Variants in CRY1 observed in about 807,000 individuals in gnomAD.
The protein encoded by CRY1 is cryptochrome-1.
In CRY1, 45 loss-of-function variants were observed where a neutral mutation model predicts 76.0. The ratio of observed to expected loss-of-function variants is 0.59; its 90% confidence interval spans 0.47 to 0.76. The LOEUF (loss-of-function observed/expected upper bound fraction) is 0.76, where lower values mean the gene tolerates loss of function less well. CRY1 is among the 30% of genes least tolerant of loss of function. The pLI, the probability that CRY1 is intolerant of heterozygous loss-of-function variation, is 0.00. For synonymous variants in CRY1, 248 were observed against 244.0 expected (o/e 1.02, Z -0.15); for missense variants, 587 against 716.4 (o/e 0.82, Z 2.06).
At chr12:107,023,978 T>C (rs951401503) in intron 1 of CRY1, among the ~76,000 whole-genome samples, 1 of 152,234 alleles carries the variant, frequency 6.6e-6, no homozygotes, top group African/African-American at 2.4e-5. Context: ...TCTAATTTTA[T>C]GTATTTGCTT....
At chr12:107,023,750 A>G (rs1190007632) in intron 1 of CRY1, among the ~76,000 whole-genome samples, 2 of 152,118 alleles carry the variant, frequency 1.3e-5, no homozygotes, top group Non-Finnish European at 2.9e-5. Flanking sequence ...CTATCCCCAC[A>G]TTTATATTTT....
intron 1 of CRY1, among the ~76,000 whole-genome samples, chr12:107,091,785 C>T (rs1445411954): frequency 6.6e-6 from 1 of 152,122 alleles, no homozygotes; most frequent in African/African-American, 2.4e-5. Context: ...ATATTTCTGC[C>T]TTTTCCCTTA....
intron 10 of CRY1, among the ~76,000 whole-genome samples, chr12:106,994,457 C>A (rs1424321231): frequency 6.6e-6 from 1 of 152,172 alleles, no homozygotes; most frequent in East Asian, 1.9e-4. Flanking sequence ...TTTCCCTCCA[C>A]ACCCCCATTT....
At chr12:107,023,971 A>T (rs1952583264) in intron 1 of CRY1, among the ~76,000 whole-genome samples, 1 of 152,228 alleles carries the variant, frequency 6.6e-6, no homozygotes, top group Non-Finnish European at 1.5e-5. Context: ...GGAAGCATCT[A>T]ATTTTATGTA....
At chr12:107,071,281 C>T (rs1020075653) in intron 1 of CRY1, among the ~76,000 whole-genome samples, 3 of 152,016 alleles carry the variant, frequency 2.0e-5, no homozygotes, top group Non-Finnish European at 4.4e-5. Context: ...TGGTTTAGTA[C>T]TAAATTTTAT....
At chr12:107,075,262 T>C (rs1007581953) in intron 1 of CRY1, among the ~76,000 whole-genome samples, 6 of 152,190 alleles carry the variant, frequency 3.9e-5, no homozygotes, top group Admixed American at 3.9e-4. Context: ...CTCAAACACG[T>C]TCATGCCAGC....
intron 2 of CRY1, among the ~76,000 whole-genome samples, chr12:107,012,444 C>A (rs1593501817): frequency 6.6e-6 from 1 of 152,178 alleles, no homozygotes; most frequent in East Asian, 1.9e-4. Context: ...TCTGTTGAGA[C>A]CTACTACTCA....
chr12:107,048,534 C>A (rs1274598820), intron 1 of CRY1, among the ~76,000 whole-genome samples: 4 of 152,198 alleles, frequency 2.6e-5, no homozygotes, highest in Non-Finnish European at 4.4e-5. Context: ...TATCTGTCCT[C>A]TCCTTTTGGG....
At chr12:107,025,145 C>T (rs538350548) in intron 1 of CRY1, among the ~76,000 whole-genome samples, 3 of 152,094 alleles carry the variant, frequency 2.0e-5, no homozygotes, top group Non-Finnish European at 2.9e-5. Context: ...CATATCTCCC[C>T]GTTAGGGAGT....
chr12:107,064,722 A>G (rs1419662070), intron 1 of CRY1, among the ~76,000 whole-genome samples: 2 of 152,222 alleles, frequency 1.3e-5, no homozygotes, highest in Non-Finnish European at 2.9e-5. Context: ...AATTTGAAAG[A>G]AAAACAGTGA....
intron 2 of CRY1, among the ~76,000 whole-genome samples, chr12:107,020,304 C>T (rs1952540828): frequency 6.6e-6 from 1 of 151,808 alleles, no homozygotes; most frequent in Non-Finnish European, 1.5e-5. Flanking sequence ...AGAAACATTG[C>T]TATTTCAAAA....
chr12:107,076,781 G>A (rs1395426080), intron 1 of CRY1, among the ~76,000 whole-genome samples: 1 of 152,096 alleles, frequency 6.6e-6, no homozygotes, highest in Non-Finnish European at 1.5e-5. Context: ...GATCAAAAGG[G>A]CAGGTTTCTC....
intron 1 of CRY1, among the ~76,000 whole-genome samples, chr12:107,038,616 G>A (rs185126534): frequency 7.9e-5 from 12 of 152,326 alleles, no homozygotes; most frequent in Admixed American, 6.5e-4. Context: ...AAGACAGATG[G>A]AAAATCGTAA....
intron 3 of CRY1, among the ~76,000 whole-genome samples, chr12:107,004,094 C>G (rs1330338447): frequency 6.6e-6 from 1 of 152,124 alleles, no homozygotes; most frequent in East Asian, 1.9e-4. Context: ...TGTGAGCCAT[C>G]GCGCCTAGCC....
intron 7 of CRY1, 37 bp from the exon 8 acceptor site, chr12:106,998,103 C>A: frequency 6.2e-7 from 1 of 1,606,828 alleles, no homozygotes; most frequent in South Asian, 1.1e-5. Flanking sequence ...TTTGCACACA[C>A]ATAATTCGCA....
chr12:106,998,587 T>TTA (rs1321353577), intron 7 of CRY1, among the ~76,000 whole-genome samples: 1 of 151,902 alleles, frequency 6.6e-6, no homozygotes, highest in African/African-American at 2.4e-5. Context: ...TAAATGATTT[T>TTA]TATATATATT....
intron 1 of CRY1, among the ~76,000 whole-genome samples, chr12:107,055,783 G>A (rs190611819): frequency 6.6e-6 from 1 of 151,780 alleles, no homozygotes; most frequent in Admixed American, 6.6e-5. Context: ...ACTGAGGCAG[G>A]AGAATGGCTT....
chr12:107,000,322 C>G (rs1048016170), intron 5 of CRY1, among the ~76,000 whole-genome samples: 2 of 151,822 alleles, frequency 1.3e-5, no homozygotes, highest in Non-Finnish European at 2.9e-5. Flanking sequence ...AAATTTCCAA[C>G]AGAAAGCTGA....
chr12:107,029,095 G>A (rs531947748), intron 1 of CRY1, among the ~76,000 whole-genome samples: 2 of 152,082 alleles, frequency 1.3e-5, no homozygotes, highest in South Asian at 4.2e-4. Flanking sequence ...TTAGAGACAG[G>A]GTCTCGTTAT....
Sources: gnomAD v4.1 joint callset for allele counts (sites outside exome capture counted in the v4.1 genomes callset) on GRCh38, gnomAD v4.1.1 for gene constraint, MANE v1.5 for transcripts, NCBI Gene and HGNC (gene_info 2026-07-23, HGNC 2026-07-21) for gene names.